CTIF: variants seen among roughly 807,000 people sequenced by gnomAD.
CTIF encodes the protein cap binding complex dependent translation initiation factor, also known as CBP80/20-dependent translation initiation factor.
Under a neutral mutation model 66.0 loss-of-function variants are expected in CTIF, and 21 were observed. That is an observed-to-expected ratio of 0.32 (90% CI 0.23 to 0.46). CTIF has a LOEUF of 0.46. CTIF is among the 20% of genes least tolerant of loss of function. CTIF has a pLI of 1.00. For missense variants in CTIF, 739 were observed against 812.7 expected, an observed-to-expected ratio of 0.91 and a Z score of 1.10; for synonymous variants, 345 against 326.4, an observed-to-expected ratio of 1.06 and a Z score of -0.62.
At chr18:48,680,706 G>T (rs2091725614) in intron 6 of CTIF, among the ~76,000 whole-genome samples, 1 of 152,244 alleles carries the variant, frequency 6.6e-6, no homozygotes, top group South Asian at 2.1e-4. Context: ...GATGACTTGG[G>T]CCAGGCCTGG....
At chr18:48,639,173 G>A (rs909804716) in intron 3 of CTIF, among the ~76,000 whole-genome samples, 1 of 152,244 alleles carries the variant, frequency 6.6e-6, no homozygotes, top group African/African-American at 2.4e-5. Flanking sequence ...TCAGAATGCT[G>A]GGTTTGCCTG....
intron 8 of CTIF, chr18:48,760,088 T>A (rs1459657532): frequency 6.6e-6 from 1 of 152,166 alleles, no homozygotes; most frequent in African/African-American, 2.4e-5. Flanking sequence ...CCTGTTAACT[T>A]TACCCAGGGA....
intron 1 of CTIF, among the ~76,000 whole-genome samples, chr18:48,560,213 G>A (rs2089121971): frequency 6.6e-6 from 1 of 150,666 alleles, no homozygotes; most frequent in Admixed American, 6.6e-5. Context: ...GAATTTCATA[G>A]AATTTGGAGG....
intron 6 of CTIF, among the ~76,000 whole-genome samples, chr18:48,702,835 A>C (rs2092101456): frequency 6.6e-6 from 1 of 151,862 alleles, no homozygotes; most frequent in East Asian, 1.9e-4. Context: ...TAGAAACATT[A>C]CCTATTTATT....
chr18:48,573,562 A>G (rs1337441706), intron 1 of CTIF, among the ~76,000 whole-genome samples: 1 of 152,112 alleles, frequency 6.6e-6, no homozygotes, highest in Non-Finnish European at 1.5e-5. Flanking sequence ...GCATTCTAAT[A>G]TTTTCTTTCT....
intron 7 of CTIF, among the ~76,000 whole-genome samples, chr18:48,718,388 C>T (rs2092301271): frequency 6.6e-6 from 1 of 152,062 alleles, no homozygotes; most frequent in South Asian, 2.1e-4. Flanking sequence ...TTATGGAGGC[C>T]AAGAAGTCCC....
At chr18:48,727,486 A>G (rs552252917) in intron 7 of CTIF, among the ~76,000 whole-genome samples, 157 of 152,248 alleles carry the variant, frequency 1.0e-3, no homozygotes, top group Middle Eastern at 0.01. Context: ...GAGCTTCTTT[A>G]TATTTTGTAC....
intron 9 of CTIF, among the ~76,000 whole-genome samples, chr18:48,764,745 A>G (rs1223439621): frequency 1.3e-5 from 2 of 152,198 alleles, no homozygotes; most frequent in African/African-American, 2.4e-5. Flanking sequence ...AAATGTCCAC[A>G]TAGGCCACCA....
Position 48,577,305 on chromosome 18 carries a change from C to T in CTIF, c.-29+37993C>T, listed in dbSNP as rs187155258. 3.2e-3 allele frequency among the ~76,000 whole-genome samples: 491 copies of T among 152,250 alleles called. 1 individual carries two copies. Among genetic ancestry groups the T allele is most frequent in the Middle Eastern group, 0.027 (8 of 294 alleles). ...AGTCTTGTTGGCCCTATTCTTTCACCCTAAGAGATTTAATCCAGAGACGGT... is the reference window on the plus strand; with the variant it reads ...AGTCTTGTTGGCCCTATTCTTTCACTCTAAGAGATTTAATCCAGAGACGGT... On this transcript the variant is annotated intron_variant, in intron 1 of 11. Coordinates refer to ENST00000256413, the MANE Select transcript of CTIF (RefSeq NM_014772.3).
intron 9 of CTIF, among the ~76,000 whole-genome samples, chr18:48,812,862 C>T (rs2068288302): frequency 6.6e-6 from 1 of 151,916 alleles, no homozygotes; most frequent in Non-Finnish European, 1.5e-5. Flanking sequence ...CCCAAAGAGT[C>T]AACTCATTTT....
intron 3 of CTIF, among the ~76,000 whole-genome samples, chr18:48,652,701 C>G (rs940420418): frequency 3.9e-5 from 6 of 152,190 alleles, no homozygotes; most frequent in Non-Finnish European, 8.8e-5. Context: ...ACCAATATCC[C>G]TGATGAACAT....
chr18:48,740,415 G>T (rs1016348163), intron 7 of CTIF, among the ~76,000 whole-genome samples: 3 of 152,132 alleles, frequency 2.0e-5, no homozygotes, highest in South Asian at 2.1e-4. Flanking sequence ...ACCCTCACTG[G>T]CCATGCACCT....
intron 7 of CTIF, among the ~76,000 whole-genome samples, chr18:48,715,113 A>C (rs534856228): frequency 3.1e-4 from 47 of 152,256 alleles, no homozygotes; most frequent in African/African-American, 1.1e-3. Context: ...TCCACTTTTA[A>C]AGCCCTACCC....
At chr18:48,589,770 G>A (rs72925532) in intron 1 of CTIF, among the ~76,000 whole-genome samples, 1,545 of 152,306 alleles carry the variant, frequency 0.01, 10 homozygotes, top group South Asian at 0.025. Context: ...TGTGTGGGGG[G>A]AGCTGGGAGA....
At chr18:48,749,755 G>A (rs1383795903) in intron 7 of CTIF, among the ~76,000 whole-genome samples, 2 of 152,246 alleles carry the variant, frequency 1.3e-5, no homozygotes, top group African/African-American at 4.8e-5. Flanking sequence ...ACAGCTAAAA[G>A]TGTAGCGTCA....
rs2090010054 is a variant in CTIF, at chr18:48,597,579, T to G, written c.-28-21959T>G. Among the ~76,000 whole-genome samples the G allele has an allele frequency of 2.3e-5, 3 of 132,876 alleles. No individual in the cohort carries two copies. In the South Asian group the frequency reaches 8.9e-4, roughly 40 times the overall value. The allele number at this position is 132,876 out of a possible 152,430, so 87.2% of individuals were successfully genotyped here. The stretch of plus-strand genomic sequence containing the variant: ...CCCTCCCCCCGCCCCACCCCTGCCT[T>G]GCTCCTGCCCTGGCCATGTGACGTG... On this transcript the variant is annotated intron_variant, in intron 1 of 11. Coordinates refer to ENST00000256413, the MANE Select transcript of CTIF (RefSeq NM_014772.3).
chr18:48,828,745 C>T (rs2068632172), intron 10 of CTIF, among the ~76,000 whole-genome samples: 2 of 152,230 alleles, frequency 1.3e-5, no homozygotes, highest in Non-Finnish European at 2.9e-5. Context: ...CGGGCATGGG[C>T]CCAGCACGAG....
At chr18:48,791,784 G>A (rs544028246) in intron 9 of CTIF, among the ~76,000 whole-genome samples, 1 of 152,150 alleles carries the variant, frequency 6.6e-6, no homozygotes, top group Non-Finnish European at 1.5e-5. Context: ...CTCTCTCTCT[G>A]TAGCCTTCCC....
intron 1 of CTIF, among the ~76,000 whole-genome samples, chr18:48,574,922 T>C (rs2089496467): frequency 6.6e-6 from 1 of 152,188 alleles, no homozygotes; most frequent in South Asian, 2.1e-4. Context: ...AATAGAAATA[T>C]GGGCTAGCCA....
Sources: allele counts gnomAD v4.1 joint callset (sites outside exome capture counted in the v4.1 genomes callset), GRCh38; gene constraint gnomAD v4.1.1; transcripts MANE v1.5; gene names NCBI Gene and HGNC (gene_info 2026-07-23, HGNC 2026-07-21).